The following AFM variants were observed in gnomAD, a reference collection of about 807,000 sequenced individuals.
AFM encodes afamin, also known as alpha-Alb.
Under a neutral mutation model 68.7 loss-of-function variants are expected in AFM, and 82 were observed. That is an observed-to-expected ratio of 1.19 (90% confidence interval 1.00 to 1.43). The LOEUF (loss-of-function observed/expected upper bound fraction) is 1.43. Among genes scored for constraint, AFM ranks in the 40% most tolerant of loss-of-function variants. AFM has a pLI of 0.00. For synonymous variants in AFM, 250 were observed against 234.2 expected (o/e 1.07, Z -0.61); for missense variants, 772 against 701.8 (o/e 1.10, Z -1.13).
chr4:73,486,886 C>T, intron 4 of AFM, 81 bp from the exon 5 acceptor site: 1 of 1,405,016 alleles, frequency 7.1e-7, no homozygotes, highest in South Asian at 1.4e-5. Context: ...CCTTCCCTTC[C>T]CTTCCCTTCC....
At position 73,500,177 on chromosome 4, in the gene AFM, C is replaced by G; in HGVS notation, c.1596C>G (p.His532Gln). The G allele has an allele frequency of 6.2e-7, 1 of 1,613,822 alleles. No homozygotes were observed. Among genetic ancestry groups the G allele is most frequent in the Non-Finnish European group, 8.5e-7 (1 of 1,179,896 alleles). The change falls in exon 12 of 15, where the codon CAC (histidine) becomes CAG (glutamine). Residue 532 changes from histidine to glutamine, a missense_variant. Physicochemically the swap from His to Gln is conservative, Grantham distance 24 (BLOSUM62 0). Transcript: ENST00000226355. Reference protein sequence around the residue: ...PPFSQDLFTFHADMCQSQNEE... With the variant: ...PPFSQDLFTFQADMCQSQNEE... Reference sequence around the variant, plus strand: ...TCTCTCAAGATTTATTTACCTTTCACGCAGACATGTGTCAATCTCAGAATG... The same window carrying G: ...TCTCTCAAGATTTATTTACCTTTCAGGCAGACATGTGTCAATCTCAGAATG...
chr4:73,499,136 A>G lies in AFM; in HGVS notation c.1312A>G (p.Ile438Val), dbSNP rs1285876361. 8.1e-6 allele frequency: 13 copies of G among 1,613,098 alleles called. No homozygotes were observed. The highest frequency in any genetic ancestry group is 1.0e-5 in the Non-Finnish European group (12 of 1,179,548). ...KYHYLIRLTK[I>V]APQLSTEELV... Reference sequence around the variant, plus strand: ...CAGTTACCTCATCAGGCTCACGAAGATAGCTCCCCAACTCTCCACTGAAGA... The same window carrying G: ...CAGTTACCTCATCAGGCTCACGAAGGTAGCTCCCCAACTCTCCACTGAAGA... The change falls in exon 11 of 15, where the codon ATA (isoleucine) becomes GTA (valine). Residue 438 changes from isoleucine to valine, a missense_variant. Ile to Val is a conservative substitution (Grantham distance 29). Transcript: ENST00000226355.
At position 73,487,057 on chromosome 4, in the gene AFM, A is replaced by G. The variant is rs1295780114; in HGVS notation, c.573A>G (p.Ser191=). 6.2e-7 allele frequency: 1 copy of G among 1,614,082 alleles called. No individual in the cohort carries two copies. Among genetic ancestry groups the G allele is most frequent in the South Asian group, 1.1e-5 (1 of 91,074 alleles). The part of the protein sequence containing the change: ...VAVHFEEVAK[S]CCEEQNKVNC... ...TTCATTTTGAGGAGGTGGCCAAATC[A>G]TGTTGTGAAGAACAAAACAAAGTCA... The change falls in exon 5 of 15, where the codon TCA becomes TCG. Residue 191 remains serine, a synonymous_variant. Transcript: ENST00000226355.
chr4:73,484,215 ACT>A, intron 2 of AFM, 41 bp from the exon 3 acceptor site: 1 of 1,552,690 alleles, frequency 6.4e-7, no homozygotes, highest in Non-Finnish European at 8.6e-7. Flanking sequence ...ATAAATGGAA[ACT>A]CTGCAACTGA....
intron 1 of AFM, among the ~76,000 whole-genome samples, chr4:73,482,802 C>T (rs953935490): frequency 6.6e-6 from 1 of 152,242 alleles, no homozygotes; most frequent in Non-Finnish European, 1.5e-5. Context: ...ATAGTTCTTT[C>T]TACCTTTTTC....
At chr4:73,482,382 G>C (rs72856622) in intron 1 of AFM, among the ~76,000 whole-genome samples, 6,474 of 152,232 alleles carry the variant, frequency 0.043, 208 homozygotes, top group African/African-American at 0.084. Context: ...CATCCAAAGG[G>C]GAAATATTTT....
intron 9 of AFM, among the ~76,000 whole-genome samples, chr4:73,496,429 C>T (rs578044623): frequency 6.6e-6 from 1 of 152,104 alleles, no homozygotes; most frequent in South Asian, 2.1e-4. Context: ...ATATTTATGG[C>T]TTTTTTCTTA....
At chr4:73,485,703 G>C (rs1720880995) in intron 3 of AFM, among the ~76,000 whole-genome samples, 159 bp from the exon 4 acceptor site, 1 of 140,582 alleles carries the variant, frequency 7.1e-6, no homozygotes, top group Admixed American at 7.1e-5. Context: ...GGGGGGAAGG[G>C]AAGGAGAAGG....
intron 8 of AFM, 115 bp downstream of exon 8, chr4:73,492,201 T>C: frequency 1.1e-6 from 1 of 931,934 alleles, no homozygotes. Context: ...CTAGGTATCA[T>C]ATAATTTTTT....
At chr4:73,483,818 A>C (rs1720779496) in intron 1 of AFM, 123 bp from the exon 2 acceptor site, 1 of 753,262 alleles carries the variant, frequency 1.3e-6, no homozygotes, top group South Asian at 2.4e-5. Flanking sequence ...AATATGCAAA[A>C]TTATCTCCTG....
At position 73,487,039 on chromosome 4, in the gene AFM, T is replaced by C; in HGVS notation, c.555T>C (p.Phe185=). Reference sequence around the variant, plus strand: ...CACTTCTAACTGTTGCTGTTCATTTTGAGGAGGTGGCCAAATCATGTTGTG... The same window carrying C: ...CACTTCTAACTGTTGCTGTTCATTTCGAGGAGGTGGCCAAATCATGTTGTG... ...APTLLTVAVH[F]EEVAKSCCEE... The change falls in exon 5 of 15, where the codon TTT becomes TTC. Residue 185 remains phenylalanine, a synonymous_variant. Coordinates refer to ENST00000226355, the MANE Select transcript of AFM (RefSeq NM_001133.2). 2 of 1,614,106 alleles carry C rather than the reference T, an allele frequency of 1.2e-6. No homozygotes were observed. Among genetic ancestry groups the C allele is most frequent in the Non-Finnish European group, 1.7e-6 (2 of 1,179,996 alleles).
intron 8 of AFM, among the ~76,000 whole-genome samples, chr4:73,494,869 G>A (rs1054362027): frequency 1.3e-5 from 2 of 152,188 alleles, no homozygotes; most frequent in Non-Finnish European, 2.9e-5. Context: ...GGCAAAGCTT[G>A]CTCCCTATCT....
chr4:73,486,828 C>G (rs1158446343), intron 4 of AFM, 139 bp from the exon 5 acceptor site: 4 of 826,408 alleles, frequency 4.8e-6, no homozygotes, highest in Non-Finnish European at 1.8e-6. Flanking sequence ...TTACAACTTG[C>G]TCTTCTTGTC....
At chr4:73,495,240 T>C (rs962430936) in intron 8 of AFM, 60 bp from the exon 9 acceptor site, 4 of 1,473,108 alleles carry the variant, frequency 2.7e-6, no homozygotes, top group Non-Finnish European at 2.7e-6. Context: ...TACAAAATAG[T>C]GGAATTGGGT....
chr4:73,486,590 C>A (rs965798195), intron 4 of AFM, among the ~76,000 whole-genome samples: 1 of 152,164 alleles, frequency 6.6e-6, no homozygotes, highest in Non-Finnish European at 1.5e-5. Flanking sequence ...GTATAGATAG[C>A]TGTTCTTTGA....
Position 73,495,351 on chromosome 4 carries a change from T to G in AFM, c.1110T>G (p.Leu370=). The part of the protein sequence containing the change: ...RRHPDLSIPE[L]LRIVQIYKDL... ...ATCCAGACCTGTCTATACCAGAGCT[T>G]TTAAGAATTGTTCAAATATACAAAG... The change falls in exon 9 of 15, where the codon CTT becomes CTG. Residue 370 remains leucine, a synonymous_variant. Transcript: ENST00000226355. 6.2e-7 allele frequency: 1 copy of G among 1,613,170 alleles called. No homozygotes were observed. The highest frequency in any genetic ancestry group is 8.5e-7 in the Non-Finnish European group (1 of 1,179,720).
chr4:73,488,731 G>A lies in AFM; in HGVS notation c.815G>A (p.Gly272Glu), dbSNP rs1577974856. 6.2e-7 allele frequency: 1 copy of A among 1,612,936 alleles called. No individual in the cohort carries two copies. The highest frequency in any genetic ancestry group is 8.5e-7 in the Non-Finnish European group (1 of 1,179,468). Residue 272 changes from glycine to glutamate, a missense_variant, in exon 7 of 15, where the codon GGG (glycine) becomes GAG (glutamate). Physicochemically the swap from Gly to Glu is moderately conservative, Grantham distance 98 (BLOSUM62 -2). Transcript: ENST00000226355. The part of the protein sequence containing the change: ...VSSNYDGCCE[G>E]DVVQCIRDTS... ...TCCAACTATGATGGATGCTGTGAAG[G>A]GGATGTTGTGCAGTGCATCCGTGAC...
chr4:73,494,390 G>A (rs1445284196), intron 8 of AFM, among the ~76,000 whole-genome samples: 1 of 151,490 alleles, frequency 6.6e-6, no homozygotes, highest in Non-Finnish European at 1.5e-5. Flanking sequence ...ATGAATAGAT[G>A]AGTTTTCTTT....
chr4:73,486,872 C>G, intron 4 of AFM, 95 bp from the exon 5 acceptor site: 4 of 1,211,082 alleles, frequency 3.3e-6, no homozygotes, highest in Non-Finnish European at 4.6e-6. Context: ...CCCATCTTAC[C>G]CTCCCTTCCC....
Sources: gnomAD v4.1 joint callset for allele counts (sites outside exome capture counted in the v4.1 genomes callset) on GRCh38, gnomAD v4.1.1 for gene constraint, MANE v1.5 for transcripts, NCBI Gene and HGNC (gene_info 2026-07-23, HGNC 2026-07-21) for gene names.